Variants in PCSK5 observed in about 807,000 individuals in gnomAD.
PCSK5 encodes the protein proprotein convertase subtilisin/kexin type 5.
Under a neutral mutation model 233.2 loss-of-function variants are expected in PCSK5, and 129 were observed. The ratio of observed to expected loss-of-function variants is 0.55; its 90% CI spans 0.48 to 0.64. The LOEUF (loss-of-function observed/expected upper bound fraction) is 0.64, where lower values mean the gene tolerates loss of function less well. PCSK5 is among the 30% of genes least tolerant of loss of function. The pLI is 0.00. For missense variants in PCSK5, 2,076 were observed against 2,430.1 expected, an observed-to-expected ratio of 0.85 and a Z score of 3.06; for synonymous variants, 825 against 879.2, an observed-to-expected ratio of 0.94 and a Z score of 1.09.
chr9:76,316,768 A>G (rs1829044756), intron 30 of PCSK5, among the ~76,000 whole-genome samples: 1 of 136,986 alleles, frequency 7.3e-6, no homozygotes, highest in Admixed American at 7.2e-5. Context: ...AAAAAAAAAA[A>G]GAATGTGATC....
At chr9:76,121,733 T>G (rs1832636563) in intron 9 of PCSK5, among the ~76,000 whole-genome samples, 1 of 152,186 alleles carries the variant, frequency 6.6e-6, no homozygotes, top group African/African-American at 2.4e-5. Flanking sequence ...TCTCGCATGT[T>G]TGAAGGAAAC....
intron 2 of PCSK5, among the ~76,000 whole-genome samples, chr9:75,943,780 G>A (rs533518192): frequency 2.0e-5 from 3 of 152,282 alleles, no homozygotes; most frequent in South Asian, 4.1e-4. Context: ...AAGATCAAAA[G>A]TGTAGGTTAA....
intron 5 of PCSK5, among the ~76,000 whole-genome samples, chr9:76,040,385 G>GTCTCTCTGTCTCTCTC (rs1563988638): frequency 3.7e-5 from 3 of 80,620 alleles, no homozygotes; most frequent in Non-Finnish European, 5.2e-5. Flanking sequence ...CTCTCTCTCT[G>GTCTCTCTGTCTCTCTC]TCTCTCTCTC....
chr9:75,923,501 G>A lies in PCSK5; in HGVS notation c.193-8878G>A, dbSNP rs187575011. Among the ~76,000 whole-genome samples, 515 of 152,168 alleles carry A rather than the reference G, an allele frequency of 3.4e-3. 2 individuals carry two copies. Among genetic ancestry groups the A allele is most frequent in the Middle Eastern group, 0.017 (5 of 292 alleles). On this transcript the variant is annotated intron_variant, in intron 1 of 37. Transcript: ENST00000674117. ...GTACCTATATTGCTATAGCTATATT[G>A]GTATAACTATTTGGAAGCTGATAAC...
intron 10 of PCSK5, among the ~76,000 whole-genome samples, chr9:76,143,728 CTT>C (rs11382449): frequency 1.4e-4 from 20 of 141,934 alleles, no homozygotes; most frequent in African/African-American, 2.1e-4. Context: ...CTACATCCCA[CTT>C]TTTTTTTTTT....
intron 2 of PCSK5, among the ~76,000 whole-genome samples, chr9:75,942,470 G>A (rs1037608145): frequency 6.6e-6 from 1 of 152,154 alleles, no homozygotes; most frequent in Non-Finnish European, 1.5e-5. Flanking sequence ...TATGTACCAC[G>A]GTGGGGGCTC....
At chr9:75,905,050 A>T (rs1587339606) in intron 1 of PCSK5, among the ~76,000 whole-genome samples, 2 of 152,358 alleles carry the variant, frequency 1.3e-5, no homozygotes, top group Admixed American at 1.3e-4. Flanking sequence ...CAGTCACAAA[A>T]GGCCACATTA....
intron 2 of PCSK5, among the ~76,000 whole-genome samples, chr9:75,958,170 G>A (rs1825177890): frequency 6.6e-6 from 1 of 152,174 alleles, no homozygotes; most frequent in South Asian, 2.1e-4. Flanking sequence ...TAATCAGAAT[G>A]TAATGCATTC....
intron 1 of PCSK5, among the ~76,000 whole-genome samples, chr9:75,902,291 G>T (rs1352315967): frequency 6.7e-6 from 1 of 149,798 alleles, no homozygotes; most frequent in Non-Finnish European, 1.5e-5. Context: ...AAGAGAGAAG[G>T]CGAAAGAAGA....
intron 8 of PCSK5, among the ~76,000 whole-genome samples, chr9:76,098,501 G>A (rs1309508400): frequency 2.0e-5 from 3 of 152,186 alleles, no homozygotes. Context: ...ACGTCCACTA[G>A]CACGGAGTGA....
chr9:76,077,725 A>T (rs887771197), intron 7 of PCSK5, among the ~76,000 whole-genome samples: 1 of 152,186 alleles, frequency 6.6e-6, no homozygotes, highest in Non-Finnish European at 1.5e-5. Flanking sequence ...GTTGCTACAA[A>T]GGACATGGTT....
chr9:76,272,375 T>G (rs1456579973), intron 24 of PCSK5, among the ~76,000 whole-genome samples: 1 of 152,082 alleles, frequency 6.6e-6, no homozygotes, highest in Non-Finnish European at 1.5e-5. Context: ...TCTCTCATTT[T>G]CAAAAATCCA....
At chr9:76,215,289 G>T (rs1825480839) in intron 20 of PCSK5, among the ~76,000 whole-genome samples, 3 of 152,190 alleles carry the variant, frequency 2.0e-5, no homozygotes. Flanking sequence ...GTCACAGCAG[G>T]TCAGACAGCA....
chr9:76,077,995 A>G (rs933851928), intron 7 of PCSK5, among the ~76,000 whole-genome samples: 22 of 152,258 alleles, frequency 1.4e-4, no homozygotes, highest in Non-Finnish European at 3.2e-4. Context: ...TGCCTTCCAC[A>G]GATGGTATCC....
intron 9 of PCSK5, among the ~76,000 whole-genome samples, chr9:76,133,852 A>C (rs1394058275): frequency 6.6e-6 from 1 of 151,996 alleles, no homozygotes; most frequent in East Asian, 1.9e-4. Context: ...CTTTTAAAAA[A>C]CTAAGTTACC....
intron 1 of PCSK5, among the ~76,000 whole-genome samples, chr9:75,904,906 A>G (rs751303271): frequency 5.3e-5 from 8 of 152,236 alleles, no homozygotes; most frequent in Non-Finnish European, 1.0e-4. Context: ...CCAACTGTCT[A>G]TCAACGGATA....
Position 76,175,010 on chromosome 9 carries a change from T to C in PCSK5, c.1781T>C (p.Val594Ala), listed in dbSNP as rs1302092301. ...TPGKLKEWSLVLYGTSVQPYS... is the reference protein window; with the variant it reads ...TPGKLKEWSLALYGTSVQPYS... The stretch of plus-strand genomic sequence containing the variant: ...GGTAAATTGAAAGAATGGTCTTTGG[T>C]CCTCTACGGCACCTCCGTGCAGCCA... The change falls in exon 14 of 38, where the codon GTC (valine) becomes GCC (alanine). Residue 594 changes from valine to alanine, a missense_variant. By Grantham distance (64) the Val-to-Ala change is moderately conservative. Coordinates refer to ENST00000674117, the MANE Select transcript of PCSK5 (RefSeq NM_001372043.1). 8 of 1,611,252 alleles carry C rather than the reference T, an allele frequency of 5.0e-6. No homozygotes were observed. Among genetic ancestry groups the C allele is most frequent in the Non-Finnish European group, 6.8e-6 (8 of 1,179,100 alleles).
chr9:76,092,166 AC>A (rs1168824592), intron 7 of PCSK5, among the ~76,000 whole-genome samples: 1 of 152,134 alleles, frequency 6.6e-6, no homozygotes, highest in Non-Finnish European at 1.5e-5. Flanking sequence ...GGCAAAAGAT[AC>A]ATCTATTCTT....
At chr9:76,114,298 G>A (rs149770466) in intron 9 of PCSK5, among the ~76,000 whole-genome samples, 7 of 152,222 alleles carry the variant, frequency 4.6e-5, no homozygotes, top group East Asian at 1.9e-4. Flanking sequence ...TGAAATAATT[G>A]TAACCAGACC....
Sources: gnomAD v4.1 joint callset for allele counts (sites outside exome capture counted in the v4.1 genomes callset) on GRCh38, gnomAD v4.1.1 for gene constraint, MANE v1.5 for transcripts, NCBI Gene and HGNC (gene_info 2026-07-23, HGNC 2026-07-21) for gene names.